PPP1R14A: variants seen among roughly 807,000 people sequenced by gnomAD.
The protein encoded by PPP1R14A is protein phosphatase 1 regulatory subunit 14A.
A neutral mutation model predicts 14.1 loss-of-function variants in PPP1R14A; 9 were observed. That is an observed-to-expected ratio of 0.64 (90% CI 0.38 to 1.11). The LOEUF (loss-of-function observed/expected upper bound fraction) is 1.11. Among genes scored for constraint, PPP1R14A ranks in the 50% most tolerant of loss-of-function variants. The pLI is 0.01. For synonymous variants in PPP1R14A, 93 were observed against 88.7 expected, an observed-to-expected ratio of 1.05 and a Z score of -0.27; for missense variants, 208 against 200.7, an observed-to-expected ratio of 1.04 and a Z score of -0.22.
intron 1 of PPP1R14A, among the ~76,000 whole-genome samples, chr19:38,254,038 G>A (rs577317104): frequency 6.6e-6 from 1 of 152,188 alleles, no homozygotes; most frequent in Non-Finnish European, 1.5e-5. Context: ...AACCAGATTG[G>A]TTCACCTGTA....
intron 1 of PPP1R14A, among the ~76,000 whole-genome samples, chr19:38,253,611 C>T (rs984702941): frequency 1.1e-4 from 17 of 152,168 alleles, no homozygotes; most frequent in African/African-American, 3.4e-4. Flanking sequence ...GTGGCCCAAG[C>T]GCAGGCTGGC....
chr19:38,252,308 C>T lies in PPP1R14A; in HGVS notation c.313G>A (p.Glu105Lys), dbSNP rs150002510. The T allele has an allele frequency of 9.3e-6, 15 of 1,611,868 alleles. No homozygotes were observed. The highest frequency in any genetic ancestry group is 1.3e-5 in the African/African-American group (1 of 74,850). ...GLLKSCGKPVEDFIQELLAKL... is the reference protein window; with the variant it reads ...GLLKSCGKPVKDFIQELLAKL... ...AGAATGAGGGAGAGAAAACTCACCT[C>T]GACAGGTTTCCCACATGACTTCAGG... The change falls in exon 3 of 4, where the codon GAG becomes AAG. Residue 105 changes from glutamate (E) to lysine (K), a missense_variant and splice_region_variant. By Grantham distance (56) the Glu-to-Lys change is moderately conservative (BLOSUM62 1). Transcript: ENST00000301242. The surrounding 1 kb of genome is among the most constrained non-coding windows in gnomAD (Gnocchi z 4.1).
intron 1 of PPP1R14A, among the ~76,000 whole-genome samples, chr19:38,255,774 C>T (rs1285493419): frequency 6.6e-6 from 1 of 152,114 alleles, no homozygotes. Flanking sequence ...CTGTATCTCC[C>T]CTGTCACCAT....
Position 38,252,358 on chromosome 19 carries a change from A to G in PPP1R14A, c.283-20T>C. 6.2e-7 allele frequency: 1 copy of G among 1,608,624 alleles called. No individual in the cohort carries two copies. Among genetic ancestry groups the G allele is most frequent in the Non-Finnish European group, 8.5e-7 (1 of 1,178,866 alleles). The stretch of plus-strand genomic sequence containing the variant: ...GAGTCCCTAAAACCCCCAACCAAGA[A>G]CAAAACAAAACAGTAAATGACTAAC... On this transcript the variant is annotated intron_variant, in intron 2 of 3. Coordinates refer to ENST00000301242, the MANE Select transcript of PPP1R14A (RefSeq NM_033256.3). The surrounding 1 kb of genome is among the most constrained non-coding windows in gnomAD (Gnocchi z 4.1).
intron 3 of PPP1R14A, 65 bp from the exon 4 acceptor site, chr19:38,251,511 GC>G (rs1451206319): frequency 6.1e-6 from 9 of 1,474,074 alleles, no homozygotes; most frequent in South Asian, 1.4e-5. Flanking sequence ...CCCCTGTCCA[GC>G]CCAGTCCCTG....
At chr19:38,253,420 G>C (rs1968213141) in intron 1 of PPP1R14A, among the ~76,000 whole-genome samples, 2 of 152,050 alleles carry the variant, frequency 1.3e-5, no homozygotes, top group Non-Finnish European at 2.9e-5. Context: ...TTCCCCCAGG[G>C]GACAGGAAGG....
At chr19:38,253,576 G>A (rs1568333199) in intron 1 of PPP1R14A, among the ~76,000 whole-genome samples, 2 of 152,184 alleles carry the variant, frequency 1.3e-5, no homozygotes, top group African/African-American at 2.4e-5. Context: ...TAAGAGCGGG[G>A]CGCTGAGTGT....
intron 1 of PPP1R14A, among the ~76,000 whole-genome samples, chr19:38,254,019 G>A (rs1968219566): frequency 6.6e-6 from 1 of 152,208 alleles, no homozygotes; most frequent in Non-Finnish European, 1.5e-5. Context: ...GATGCCACCT[G>A]CCACTAGCAA....
intron 1 of PPP1R14A, 28 bp from the exon 2 acceptor site, chr19:38,253,002 G>A (rs1252858273): frequency 6.4e-7 from 1 of 1,553,398 alleles, no homozygotes; most frequent in Non-Finnish European, 8.9e-7. Context: ...GGGGTGCTTA[G>A]GATCCCCTTC....
In PPP1R14A at chr19:38,252,257, A is replaced by G; in HGVS notation, c.315+49T>C. 1.3e-6 allele frequency: 2 copies of G among 1,585,654 alleles called. No homozygotes were observed. The highest frequency in any genetic ancestry group is 2.2e-5 in the East Asian group (1 of 44,590). ...GCCAGCTTCTTCCCCCTCCCCCATC[A>G]GAGTACTTGGGGCCAGAACAGGGAG... On this transcript the variant is annotated intron_variant, in intron 3 of 3. Coordinates refer to ENST00000301242, the MANE Select transcript of PPP1R14A (RefSeq NM_033256.3). This position sits in a 1 kb window ranked among gnomAD's most constrained non-coding sequence, Gnocchi z 4.1.
At chr19:38,254,878 C>T (rs536152028) in intron 1 of PPP1R14A, among the ~76,000 whole-genome samples, 27 of 151,476 alleles carry the variant, frequency 1.8e-4, no homozygotes, top group Admixed American at 5.3e-4. Flanking sequence ...ACCGCAACCT[C>T]CTCCTCCCGG....
Position 38,256,122 on chromosome 19 carries a change from G to C in PPP1R14A, c.201+17C>G, listed in dbSNP as rs755315269. The C allele has an allele frequency of 1.3e-6, 2 of 1,534,390 alleles. No homozygotes were observed. Among genetic ancestry groups the C allele is most frequent in the South Asian group, 2.4e-5 (2 of 83,526 alleles). ...TCTATCTGTCCCCGACCACCCCCGA[G>C]CCCTCCCCGGGCTCACCATGCCGCG... On this transcript the variant is annotated intron_variant, in intron 1 of 3. Transcript: ENST00000301242. The surrounding 1 kb of genome is among the most constrained non-coding windows in gnomAD (Gnocchi z 5.7).
intron 1 of PPP1R14A, chr19:38,253,208 T>C (rs1362480660): frequency 2.5e-5 from 12 of 479,728 alleles, no homozygotes; most frequent in African/African-American, 1.4e-4. Flanking sequence ...CCTGGGCCCA[T>C]GGGCCCCGGG....
intron 1 of PPP1R14A, among the ~76,000 whole-genome samples, chr19:38,254,587 G>A (rs1316350915): frequency 6.6e-6 from 1 of 152,046 alleles, no homozygotes; most frequent in Non-Finnish European, 1.5e-5. Context: ...TTACAGGCGT[G>A]AGCCACTGTG....
rs1477017735 is a variant in PPP1R14A at position 38,256,343 on chromosome 19, G to A, written c.-4C>T. 3.4e-6 allele frequency: 5 copies of A among 1,473,586 alleles called. No individual in the cohort carries two copies. Among genetic ancestry groups the A allele is most frequent in the Non-Finnish European group, 4.5e-6 (5 of 1,118,350 alleles). The allele number at this position is 1,473,586 out of a possible 1,614,324, so 91.3% of individuals were successfully genotyped here. On this transcript the variant is annotated 5_prime_UTR_variant, in exon 1 of 4. Transcript: ENST00000301242. This position sits in a 1 kb window ranked among gnomAD's most constrained non-coding sequence, Gnocchi z 5.7. ...TGCCCAGCCGCTGAGCTGCCATCGCGCTGCTGGACCCAGCCTGGCCCCGCG... is the reference window on the plus strand; with the variant it reads ...TGCCCAGCCGCTGAGCTGCCATCGCACTGCTGGACCCAGCCTGGCCCCGCG...
In PPP1R14A at chr19:38,253,218, G is replaced by A. The variant is rs1216095065; in HGVS notation, c.202-244C>T. 6 of 478,976 alleles carry A rather than the reference G, an allele frequency of 1.3e-5. No homozygotes were observed. The East Asian group carries it at 2.2e-4, about 17-fold the overall frequency. 29.7% of individuals were successfully genotyped at this position (478,976 alleles called of 1,614,324 possible). Reference sequence around the variant, plus strand: ...CGATGCCTGGGCCCATGGGCCCCGGGAGCCTCGGGGCTGGCACGGGTCTCT... The same window carrying A: ...CGATGCCTGGGCCCATGGGCCCCGGAAGCCTCGGGGCTGGCACGGGTCTCT... On this transcript the variant is annotated intron_variant, in intron 1 of 3. Coordinates refer to ENST00000301242, the MANE Select transcript of PPP1R14A (RefSeq NM_033256.3).
At chr19:38,251,523 A>G in intron 3 of PPP1R14A, 77 bp from the exon 4 acceptor site, 1 of 1,319,902 alleles carries the variant, frequency 7.6e-7, no homozygotes, top group Non-Finnish European at 9.8e-7. Context: ...CCAGTCCCTG[A>G]CCTGGGCGCC....
Position 38,256,018 on chromosome 19 carries a change from C to T in PPP1R14A, c.201+121G>A, listed in dbSNP as rs1351986410. The T allele has an allele frequency of 1.1e-6, 1 of 928,888 alleles. No homozygotes were observed. Among genetic ancestry groups the T allele is most frequent in the South Asian group, 1.8e-5 (1 of 57,094 alleles). 57.5% of individuals were successfully genotyped at this position (928,888 alleles called of 1,614,324 possible). A position where few individuals can be genotyped will look rare whatever the true frequency, so the allele number is the denominator to read the frequency against. On this transcript the variant is annotated intron_variant, in intron 1 of 3. Coordinates refer to ENST00000301242, the MANE Select transcript of PPP1R14A (RefSeq NM_033256.3). This position sits in a 1 kb window ranked among gnomAD's most constrained non-coding sequence, Gnocchi z 5.7. ...AGTGCCCGGCCCTGGGGCGCTCGTC[C>T]TCTTGTGCAGACCAGGCTGGCCGTG...
Position 38,252,422 on chromosome 19 carries a change from C to G in PPP1R14A, c.283-84G>C. On this transcript the variant is annotated intron_variant, in intron 2 of 3. Coordinates refer to ENST00000301242, the MANE Select transcript of PPP1R14A (RefSeq NM_033256.3). The surrounding 1 kb of genome is among the most constrained non-coding windows in gnomAD (Gnocchi z 4.1). ...CAGCCCCTTCCCTTTCCCAAAAGGC[C>G]CCAGCAGCAAGACAAATGGAAGTCA... The G allele has an allele frequency of 7.3e-7, 1 of 1,374,788 alleles. No homozygotes were observed. The highest frequency in any genetic ancestry group is 1.2e-5 in the South Asian group (1 of 82,192). The allele number at this position is 1,374,788 out of a possible 1,614,324, so 85.2% of individuals were successfully genotyped here.
Sources: allele counts gnomAD v4.1 joint callset (sites outside exome capture counted in the v4.1 genomes callset), GRCh38; gene constraint gnomAD v4.1.1; non-coding constraint Gnocchi (gnomAD v3.1); transcripts MANE v1.5; gene names NCBI Gene and HGNC (gene_info 2026-07-23, HGNC 2026-07-21).